DUOX2: variants seen among roughly 807,000 people sequenced by gnomAD.
DUOX2 encodes dual oxidase 2.
In DUOX2, 185 loss-of-function variants were observed where a neutral mutation model predicts 183.3. That is an observed-to-expected ratio of 1.01 (90% confidence interval 0.90 to 1.14). DUOX2 has a LOEUF of 1.14. Among genes scored for constraint, DUOX2 ranks in the 50% most tolerant of loss-of-function variants. DUOX2 has a pLI of 0.00. For synonymous variants in DUOX2, 788 were observed against 812.4 expected (o/e 0.97, Z 0.51); for missense variants, 1,999 against 2,022.9 (o/e 0.99, Z 0.23).
chr15:45,099,721 G>T lies in DUOX2; in HGVS notation c.3356C>A (p.Pro1119His). ...GTGGAAGTCCACTGCGGCATCAAAA[G>T]GCACATAGCGGTTGAGGAAAGTCTC... ...LRETFLNRYV[P>H]FDAAVDFHRW... Residue 1119 changes from proline (P) to histidine (H), a missense_variant, in exon 25 of 34, where the codon CCT (proline) becomes CAT (histidine). Transcript: ENST00000389039. 1 of 1,614,212 alleles carries T rather than the reference G, an allele frequency of 6.2e-7. No homozygotes were observed. The highest frequency in any genetic ancestry group is 8.5e-7 in the Non-Finnish European group (1 of 1,180,036).
chr15:45,112,740 C>G lies in DUOX2; in HGVS notation c.161-22G>C, dbSNP rs766234397. The stretch of plus-strand genomic sequence containing the variant: ...CAGCCTGCGGAGGCAGGGAGCGGGG[C>G]TCTGTCTAAGCACTCCATCCCCTAG... On this transcript the variant is annotated intron_variant, in intron 3 of 33. Transcript: ENST00000389039. 7 of 1,609,740 alleles carry G rather than the reference C, an allele frequency of 4.3e-6. No individual in the cohort carries two copies. The East Asian group carries it at 1.1e-4, about 26-fold the overall frequency.
chr15:45,107,418 C>T lies in DUOX2; in HGVS notation c.1620G>A (p.Leu540=). 6.2e-7 allele frequency: 1 copy of T among 1,614,230 alleles called. No homozygotes were observed. Among genetic ancestry groups the T allele is most frequent in the East Asian group, 2.2e-5 (1 of 44,878 alleles). The stretch of plus-strand genomic sequence containing the variant: ...TGATAACAGCGACCAGCACGTCCCG[C>T]AGGGTGGTATTTCGGATGTCTTCAA... The part of the protein sequence containing the change: ...KEIEDIRNTT[L]RDVLVAVINI... The change falls in exon 14 of 34, where the codon CTG becomes CTA. Residue 540 remains leucine, a synonymous_variant. Coordinates refer to ENST00000389039, the MANE Select transcript of DUOX2 (RefSeq NM_001363711.2).
intron 5 of DUOX2, 79 bp downstream of exon 5, chr15:45,111,689 C>T (rs1747426271): frequency 3.8e-5 from 56 of 1,460,792 alleles, no homozygotes; most frequent in Non-Finnish European, 4.5e-5. Flanking sequence ...CGCCTCTCCC[C>T]TCCAGGCCCT....
At position 45,099,868 on chromosome 15, in the gene DUOX2, G is replaced by A. The variant is rs1001164227; in HGVS notation, c.3209C>T (p.Ser1070Leu). ...CACGAGGGTGGTCTGTGCAATGTCC[G>A]AGGGTGGCGAGGCAAAGCCATAGTC... ...AYYYGFASPP[S>L]DIAQTTLVGI... Residue 1070 changes from serine to leucine, a missense_variant, in exon 25 of 34, where the codon TCG becomes TTG. Ser to Leu is a moderately radical substitution (Grantham distance 145). Transcript: ENST00000389039. The A allele has an allele frequency of 1.5e-5, 25 of 1,614,004 alleles. 1 individual carries two copies. Among genetic ancestry groups the A allele is most frequent in the South Asian group, 1.2e-4 (11 of 91,076 alleles).
rs745702141 is a variant in DUOX2 at position 45,106,115 on chromosome 15, C to A, written c.2148+10G>T. On this transcript the variant is annotated intron_variant, in intron 17 of 33. Transcript: ENST00000389039. ...GGCAGCCCAGGCTGGGGAGGCAGGA[C>A]GAGCCATACCAGGTCATACTCCTTA... 6.2e-7 allele frequency: 1 copy of A among 1,607,500 alleles called. No homozygotes were observed. Among genetic ancestry groups the A allele is most frequent in the South Asian group, 1.1e-5 (1 of 90,696 alleles).
intron 12 of DUOX2, 191 bp from the exon 13 acceptor site, chr15:45,108,413 A>AGACC: frequency 1.5e-6 from 1 of 684,510 alleles, no homozygotes; most frequent in East Asian, 2.9e-5. Context: ...ACCCACGGTA[A>AGACC]CACCACGGTC....
chr15:45,105,068 G>A (rs1017794110), intron 18 of DUOX2, among the ~76,000 whole-genome samples: 3 of 152,156 alleles, frequency 2.0e-5, no homozygotes, highest in East Asian at 1.9e-4. Context: ...TGATCTGCCC[G>A]CCTCAGCCTC....
chr15:45,109,316 A>G (rs1213467510), intron 11 of DUOX2: 1 of 612,754 alleles, frequency 1.6e-6, no homozygotes, highest in Non-Finnish European at 2.9e-6. Flanking sequence ...AGACATAGTT[A>G]ATTTAAAATA....
At chr15:45,100,686 G>A (rs1894056210) in intron 23 of DUOX2, 69 bp downstream of exon 23, 9 of 1,275,910 alleles carry the variant, frequency 7.1e-6, no homozygotes, top group Non-Finnish European at 9.2e-6. Context: ...AGGATATGTG[G>A]GTGGGGCCTA....
At position 45,101,923 on chromosome 15, in the gene DUOX2, C is replaced by A. The variant is rs1202286124; in HGVS notation, c.2721G>T (p.Met907Ile). 2 of 1,614,238 alleles carry A rather than the reference C, an allele frequency of 1.2e-6. No individual in the cohort carries two copies. The highest frequency in any genetic ancestry group is 2.2e-5 in the South Asian group (2 of 91,078). The stretch of plus-strand genomic sequence containing the variant: ...TGTCCTGGAATCCCGACTCCCGGAA[C>A]ATAGACTCCACCACCTCGGCCAGCT... The part of the protein sequence containing the change: ...KAQLAEVVES[M>I]FRESGFQDKE... Residue 907 changes from methionine (M) to isoleucine (I), a missense_variant, in exon 21 of 34, where the codon ATG becomes ATT. This residue lies in a region of DUOX2 where 1,628 missense variants were observed against 1,608.6 expected (regional missense o/e 1.01). Transcript: ENST00000389039.
Position 45,100,112 on chromosome 15 carries a change from T to C in DUOX2, c.3122A>G (p.His1041Arg). 1.9e-6 allele frequency: 3 copies of C among 1,614,222 alleles called. No individual in the cohort carries two copies. The Middle Eastern group carries it at 4.9e-4, about 266-fold the overall frequency. ...CGAGAAGATTGCCACACACACGATGTGCCTCCGGTAGTTCTCCACGAAGCG... is the reference window on the plus strand; with the variant it reads ...CGAGAAGATTGCCACACACACGATGCGCCTCCGGTAGTTCTCCACGAAGCG... Reference protein sequence around the residue: ...YKRFVENYRRHIVCVAIFSAI... With the variant: ...YKRFVENYRRRIVCVAIFSAI... The change falls in exon 24 of 34, where the codon CAC (histidine) becomes CGC (arginine). Residue 1041 changes from histidine (H) to arginine (R), a missense_variant. Coordinates refer to ENST00000389039, the MANE Select transcript of DUOX2 (RefSeq NM_001363711.2).
chr15:45,099,993 C>G, intron 24 of DUOX2, 57 bp downstream of exon 24: 1 of 1,613,562 alleles, frequency 6.2e-7, no homozygotes, highest in Non-Finnish European at 8.5e-7. Context: ...GCTTTCCACT[C>G]CTCTCCAAGG....
intron 11 of DUOX2, 145 bp downstream of exon 11, chr15:45,109,379 C>T (rs904757316): frequency 2.9e-6 from 2 of 681,240 alleles, no homozygotes; most frequent in Non-Finnish European, 2.5e-6. Context: ...GTTCAAAGTT[C>T]ATTTTCTTCT....
At chr15:45,112,430 G>T in intron 4 of DUOX2, 124 bp downstream of exon 4, 1 of 1,214,438 alleles carries the variant, frequency 8.2e-7, no homozygotes. Context: ...TCGAAGTGCT[G>T]CGTAGAGAGG....
At chr15:45,108,247 G>T (rs1273562561) in intron 12 of DUOX2, 25 bp from the exon 13 acceptor site, 2 of 1,613,486 alleles carry the variant, frequency 1.2e-6, no homozygotes, top group Admixed American at 1.7e-5. Flanking sequence ...GAGATAAGGG[G>T]TGAGCGTATG....
chr15:45,109,411 T>G, intron 11 of DUOX2, 113 bp downstream of exon 11: 1 of 877,316 alleles, frequency 1.1e-6, no homozygotes, highest in Non-Finnish European at 1.9e-6. Context: ...GAAGTCTGTG[T>G]TTGTATCTGT....
chr15:45,096,202 G>A, intron 29 of DUOX2, 142 bp from the exon 30 acceptor site: 1 of 735,106 alleles, frequency 1.4e-6, no homozygotes, highest in Non-Finnish European at 2.4e-6. Flanking sequence ...CTGGGGCTGG[G>A]AGTAGGAGGG....
Position 45,105,712 on chromosome 15 carries a change from A to G in DUOX2, c.2265T>C (p.Phe755=). 1 of 1,614,202 alleles carries G rather than the reference A, an allele frequency of 6.2e-7. No individual in the cohort carries two copies. Among genetic ancestry groups the G allele is most frequent in the Non-Finnish European group, 8.5e-7 (1 of 1,180,040 alleles). Residue 755 remains phenylalanine (F), a synonymous_variant, in exon 18 of 34, where the codon TTT becomes TTC. Transcript: ENST00000389039. ...HVAEMSEKEL[F]RKAVTKQQRE... ...GCTGCTGCTTTGTCACAGCCTTCCT[A>G]AATAGCTCCTTCTCGCTCATCTCAG... is the stretch of plus-strand genomic sequence containing the variant.
chr15:45,105,689 T>A lies in DUOX2; in HGVS notation c.2288A>T (p.Gln763Leu). The change falls in exon 18 of 34, where the codon CAG (glutamine) becomes CTG (leucine). Residue 763 changes from glutamine (Q) to leucine (L), a missense_variant. This residue lies in a region of DUOX2 where 1,628 missense variants were observed against 1,608.6 expected (regional missense o/e 1.01). Transcript: ENST00000389039. The stretch of plus-strand genomic sequence containing the variant: ...GAAGATCTCCAGGATGCGTTCCCGC[T>A]GCTGCTTTGTCACAGCCTTCCTAAA... The part of the protein sequence containing the change: ...ELFRKAVTKQ[Q>L]RERILEIFFR... 6.2e-7 allele frequency: 1 copy of A among 1,614,252 alleles called. No individual in the cohort carries two copies. Among genetic ancestry groups the A allele is most frequent in the Non-Finnish European group, 8.5e-7 (1 of 1,180,052 alleles).
Sources: gnomAD v4.1 joint callset for allele counts (sites outside exome capture counted in the v4.1 genomes callset) on GRCh38, gnomAD v4.1.1 for gene constraint, gnomAD v4.1.1 regional missense constraint, MANE v1.5 for transcripts, NCBI Gene and HGNC (gene_info 2026-07-23, HGNC 2026-07-21) for gene names.